LRRC8D: variants seen among roughly 807,000 people sequenced by gnomAD.
LRRC8D encodes the protein volume-regulated anion channel subunit LRRC8D.
In LRRC8D, 20 loss-of-function variants were observed where a neutral mutation model predicts 55.8. The observed-to-expected ratio is 0.36, with a 90% CI of 0.25 to 0.52. The LOEUF (loss-of-function observed/expected upper bound fraction) is 0.52. Among genes scored for constraint, LRRC8D ranks in the 20% least tolerant of loss-of-function variants. The pLI, the probability that LRRC8D is intolerant of heterozygous loss-of-function variation, is 0.93. For synonymous variants in LRRC8D, 352 were observed against 377.0 expected (o/e 0.93, Z 0.77); for missense variants, 651 against 1,030.8 (o/e 0.63, Z 5.05).
chr1:89,883,809 C>T (rs144177201), intron 2 of LRRC8D, among the ~76,000 whole-genome samples: 29 of 152,308 alleles, frequency 1.9e-4, no homozygotes, highest in African/African-American at 7.0e-4. Flanking sequence ...ACCCTAATTA[C>T]CTCCTTTGTA....
intron 2 of LRRC8D, among the ~76,000 whole-genome samples, chr1:89,931,258 G>GAA (rs772353702): frequency 0.022 from 1,556 of 70,438 alleles, 27 homozygotes; most frequent in African/African-American, 0.067. Flanking sequence ...AAGGGTTTCG[G>GAA]AAAAAAAAAA....
At chr1:89,839,594 A>G (rs1661083456) in intron 1 of LRRC8D, among the ~76,000 whole-genome samples, 1 of 152,210 alleles carries the variant, frequency 6.6e-6, no homozygotes, top group African/African-American at 2.4e-5. Context: ...GTAAATGCCA[A>G]TCAGGCCAGC....
rs903413568 is a variant in LRRC8D at position 89,873,663 on chromosome 1, A to G, written c.-3+29881A>G. On this transcript the variant is annotated intron_variant, in intron 2 of 2. Transcript: ENST00000337338. ...TCTTTGTCATGTAGGATTGAAAACT[A>G]TCATATTTTATTGAATCAAATTTAT... is the stretch of plus-strand genomic sequence containing the variant. Among the ~76,000 whole-genome samples the G allele has an allele frequency of 6.6e-5, 10 of 152,332 alleles. 1 individual carries two copies. In the East Asian group the frequency reaches 1.2e-3, roughly 18 times the overall value.
At chr1:89,894,030 G>A (rs3936019) in intron 2 of LRRC8D, among the ~76,000 whole-genome samples, 43,152 of 152,132 alleles carry the variant, frequency 0.28, 7,796 homozygotes, top group East Asian at 0.56. Context: ...CCAGTGTAAT[G>A]GTATTAGGAG....
rs189258837 is a variant in LRRC8D, at chr1:89,831,102, C to T, written c.-148+9811C>T. 2.5e-3 allele frequency among the ~76,000 whole-genome samples: 382 copies of T among 152,082 alleles called. 1 individual carries two copies. Among genetic ancestry groups the T allele is most frequent in the African/African-American group, 8.7e-3 (360 of 41,488 alleles). ...TGTATTTTTAGGAGAGAGGGGGTTT[C>T]GCCATGTTGGCCAGGCTGGTCTCGA... On this transcript the variant is annotated intron_variant, in intron 1 of 2. Coordinates refer to ENST00000337338, the MANE Select transcript of LRRC8D (RefSeq NM_001134479.2).
chr1:89,858,416 G>T (rs1008283482), intron 2 of LRRC8D, among the ~76,000 whole-genome samples: 21 of 152,114 alleles, frequency 1.4e-4, no homozygotes, highest in Admixed American at 6.5e-4. Context: ...TCCCCACCTT[G>T]TGAAATATTA....
intron 2 of LRRC8D, among the ~76,000 whole-genome samples, chr1:89,908,082 T>G (rs1253153699): frequency 4.6e-5 from 7 of 152,172 alleles, no homozygotes; most frequent in Admixed American, 4.6e-4. Context: ...ACTAGCTCAT[T>G]TATAAAACAT....
chr1:89,856,850 G>C (rs1260738196), intron 2 of LRRC8D, among the ~76,000 whole-genome samples: 6 of 152,074 alleles, frequency 3.9e-5, no homozygotes, highest in Admixed American at 3.3e-4. Context: ...TCTATTCATT[G>C]CATATGCTCT....
At chr1:89,896,869 A>T (rs942591239) in intron 2 of LRRC8D, among the ~76,000 whole-genome samples, 1 of 152,226 alleles carries the variant, frequency 6.6e-6, no homozygotes, top group African/African-American at 2.4e-5. Flanking sequence ...CTCAAAAAAA[A>T]TTACTACTTG....
chr1:89,843,650 T>C lies in LRRC8D; in HGVS notation c.-135T>C. 1 of 702,432 alleles carries C rather than the reference T, an allele frequency of 1.4e-6. No individual in the cohort carries two copies. Among genetic ancestry groups the C allele is most frequent in the Non-Finnish European group, 2.6e-6 (1 of 384,898 alleles). 43.5% of individuals were successfully genotyped at this position (702,432 alleles called of 1,614,324 possible). On this transcript the variant is annotated 5_prime_UTR_variant, in exon 2 of 3. Coordinates refer to ENST00000337338, the MANE Select transcript of LRRC8D (RefSeq NM_001134479.2). Reference sequence around the variant, plus strand: ...TGTTTTCAAACAGGAAGTGCACGGCTGTCTATAACGTGCTGCCGGGTCTCA... The same window carrying C: ...TGTTTTCAAACAGGAAGTGCACGGCCGTCTATAACGTGCTGCCGGGTCTCA...
At chr1:89,927,659 A>C (rs1663602099) in intron 2 of LRRC8D, among the ~76,000 whole-genome samples, 1 of 152,204 alleles carries the variant, frequency 6.6e-6, no homozygotes, top group African/African-American at 2.4e-5. Context: ...CACTCACCAG[A>C]AGTATTTGCA....
chr1:89,928,277 G>A (rs1663618072), intron 2 of LRRC8D, among the ~76,000 whole-genome samples: 1 of 152,014 alleles, frequency 6.6e-6, no homozygotes, highest in African/African-American at 2.4e-5. Context: ...CACCATGTTG[G>A]CCAGGCTGGT....
intron 2 of LRRC8D, among the ~76,000 whole-genome samples, chr1:89,898,954 T>A (rs1057024020): frequency 2.6e-5 from 4 of 152,204 alleles, no homozygotes; most frequent in Admixed American, 2.6e-4. Flanking sequence ...TTTACTTAAG[T>A]GTTTTAAATG....
chr1:89,826,476 TCTC>T (rs1206992961), intron 1 of LRRC8D, among the ~76,000 whole-genome samples: 1 of 152,040 alleles, frequency 6.6e-6, no homozygotes, highest in Non-Finnish European at 1.5e-5. Context: ...ATGGTCTCGA[TCTC>T]CTGACCTCAT....
At chr1:89,912,837 GAATTATAA>G (rs1310829256) in intron 2 of LRRC8D, among the ~76,000 whole-genome samples, 1 of 152,150 alleles carries the variant, frequency 6.6e-6, no homozygotes, top group African/African-American at 2.4e-5. Flanking sequence ...AAACAAGGAT[GAATTATAA>G]AATAAGTCTG....
chr1:89,927,026 C>T (rs1349834370), intron 2 of LRRC8D, among the ~76,000 whole-genome samples: 1 of 152,206 alleles, frequency 6.6e-6, no homozygotes, highest in Non-Finnish European at 1.5e-5. Flanking sequence ...CAGCTTTTTC[C>T]ACCCAGAGCT....
chr1:89,859,737 T>C (rs1361656469), intron 2 of LRRC8D, among the ~76,000 whole-genome samples: 2 of 152,242 alleles, frequency 1.3e-5, no homozygotes, highest in Non-Finnish European at 2.9e-5. Flanking sequence ...TTCCTCTATG[T>C]TTCCTAATCA....
chr1:89,862,352 G>T (rs761827745), intron 2 of LRRC8D, among the ~76,000 whole-genome samples: 1 of 152,084 alleles, frequency 6.6e-6, no homozygotes. Context: ...CTCAAAGAAG[G>T]CTATATATAC....
chr1:89,851,069 T>TG (rs1049929970), intron 2 of LRRC8D, among the ~76,000 whole-genome samples: 12 of 146,156 alleles, frequency 8.2e-5, no homozygotes, highest in African/African-American at 2.6e-4. Context: ...TGTTTTTTTG[T>TG]GTTTTTTTTT....
Sources: allele counts gnomAD v4.1 joint callset (sites outside exome capture counted in the v4.1 genomes callset), GRCh38; gene constraint gnomAD v4.1.1; transcripts MANE v1.5; gene names NCBI Gene and HGNC (gene_info 2026-07-23, HGNC 2026-07-21).